The following ARL15 variants were observed in gnomAD, a reference collection of about 807,000 sequenced individuals.
ARL15 encodes ADP-ribosylation factor-like protein 15.
ARL15 carries 19 observed loss-of-function variants against 25.2 expected under a neutral mutation model. The ratio of observed to expected loss-of-function variants is 0.75; its 90% CI spans 0.53 to 1.10. The LOEUF (loss-of-function observed/expected upper bound fraction) is 1.10. Ranked by LOEUF, ARL15 falls within the 50% of genes least tolerant of loss-of-function variation. The pLI is 0.00. For synonymous variants in ARL15, 94 were observed against 86.8 expected (o/e 1.08, Z -0.46); for missense variants, 220 against 246.0 (o/e 0.89, Z 0.71).
intron 4 of ARL15, among the ~76,000 whole-genome samples, chr5:53,989,990 T>C (rs1748431806): frequency 6.6e-6 from 1 of 152,044 alleles, no homozygotes; most frequent in South Asian, 2.1e-4. Context: ...TTCCAGCGCT[T>C]TGGGAGGCTG....
rs567237345 is a variant in ARL15 at position 53,887,394 on chromosome 5, A to G, written c.463-681T>C. ...TCAGTCCTGAATTTTCTAGGATGGAAAAAGCAAGAACTTATAATAGGTATG... is the reference window on the plus strand; with the variant it reads ...TCAGTCCTGAATTTTCTAGGATGGAGAAAGCAAGAACTTATAATAGGTATG... On this transcript the variant is annotated intron_variant, in intron 4 of 4. Coordinates refer to ENST00000504924, the MANE Select transcript of ARL15 (RefSeq NM_019087.3). The G allele has an allele frequency of 2.2e-4, 154 of 700,774 alleles. 1 individual carries two copies. The highest frequency in any genetic ancestry group is 2.2e-3 in the African/African-American group (124 of 57,262). The allele number at this position is 700,774 out of a possible 1,614,324, so 43.4% of individuals were successfully genotyped here.
intron 4 of ARL15, among the ~76,000 whole-genome samples, chr5:53,949,817 A>G (rs1746884578): frequency 6.6e-6 from 1 of 152,216 alleles, no homozygotes; most frequent in African/African-American, 2.4e-5. Flanking sequence ...CAAGTTAGAA[A>G]TACTATAAGT....
chr5:54,116,113 A>T (rs1171949248), intron 3 of ARL15, among the ~76,000 whole-genome samples: 1 of 152,182 alleles, frequency 6.6e-6, no homozygotes, highest in African/African-American at 2.4e-5. Context: ...AAGGCAAGGG[A>T]GCTGAGCTAT....
chr5:54,275,654 C>A (rs1404566376), intron 1 of ARL15, among the ~76,000 whole-genome samples: 2 of 151,522 alleles, frequency 1.3e-5, no homozygotes, highest in Non-Finnish European at 2.9e-5. Flanking sequence ...TGACTACTGG[C>A]TTAAATTTAA....
At chr5:54,113,144 C>A (rs1004083915) in intron 4 of ARL15, 58 bp downstream of exon 4, 2 of 1,551,470 alleles carry the variant, frequency 1.3e-6, no homozygotes, top group Non-Finnish European at 8.8e-7. Flanking sequence ...CAGGTTCCAA[C>A]GTGGCAGCAA....
At chr5:54,249,316 C>T (rs1000199982) in intron 1 of ARL15, among the ~76,000 whole-genome samples, 2 of 152,128 alleles carry the variant, frequency 1.3e-5, no homozygotes, top group African/African-American at 4.8e-5. Context: ...CTATGTACAT[C>T]TCTTTTAGAA....
chr5:53,987,916 T>C (rs930591739), intron 4 of ARL15, among the ~76,000 whole-genome samples: 3 of 152,082 alleles, frequency 2.0e-5, no homozygotes, highest in South Asian at 2.1e-4. Context: ...TCCTGGCTAA[T>C]GCGGTGAAAC....
intron 4 of ARL15, among the ~76,000 whole-genome samples, chr5:54,014,748 A>G (rs1579700462): frequency 1.3e-5 from 2 of 150,504 alleles, no homozygotes; most frequent in African/African-American, 4.9e-5. Flanking sequence ...CTGGTCTCAA[A>G]CTCCTGACCT....
chr5:54,216,589 T>C (rs1756212509), intron 1 of ARL15, among the ~76,000 whole-genome samples: 1 of 152,084 alleles, frequency 6.6e-6, no homozygotes, highest in Non-Finnish European at 1.5e-5. Flanking sequence ...TTTATAGCAG[T>C]TATAATAGTT....
chr5:54,288,870 C>G (rs1758248510), intron 1 of ARL15, among the ~76,000 whole-genome samples: 1 of 152,108 alleles, frequency 6.6e-6, no homozygotes, highest in African/African-American at 2.4e-5. Flanking sequence ...ATATAGGCAC[C>G]AGCTTCTCAT....
At chr5:54,177,699 C>T (rs1754924663) in intron 1 of ARL15, among the ~76,000 whole-genome samples, 1 of 152,180 alleles carries the variant, frequency 6.6e-6, no homozygotes, top group Non-Finnish European at 1.5e-5. Flanking sequence ...TCATTTTCCT[C>T]TATATTTCTA....
At chr5:54,276,155 A>T (rs950873845) in intron 1 of ARL15, among the ~76,000 whole-genome samples, 2 of 152,132 alleles carry the variant, frequency 1.3e-5, no homozygotes, top group Admixed American at 1.3e-4. Flanking sequence ...TTTCCACTCA[A>T]ATCATTAAAA....
intron 3 of ARL15, among the ~76,000 whole-genome samples, chr5:54,131,343 T>C (rs541439727): frequency 6.7e-4 from 102 of 152,290 alleles, no homozygotes; most frequent in African/African-American, 2.4e-3. Flanking sequence ...GTTTTCCCCT[T>C]ACACCCTTCA....
chr5:54,201,568 T>C (rs1755724979), intron 1 of ARL15, among the ~76,000 whole-genome samples: 1 of 152,156 alleles, frequency 6.6e-6, no homozygotes, highest in South Asian at 2.1e-4. Context: ...GCAAGAATCC[T>C]GTTAGGTTGG....
chr5:54,099,083 G>A (rs1752365273), intron 4 of ARL15, among the ~76,000 whole-genome samples: 3 of 152,120 alleles, frequency 2.0e-5, no homozygotes, highest in South Asian at 4.1e-4. Flanking sequence ...GCAGATTTCT[G>A]GATTTTGGTG....
chr5:54,027,798 T>G (rs1302578405), intron 4 of ARL15, among the ~76,000 whole-genome samples: 1 of 152,072 alleles, frequency 6.6e-6, no homozygotes, highest in South Asian at 2.1e-4. Flanking sequence ...GGTCAAACAA[T>G]GAGAACAAAC....
At chr5:54,091,630 A>G (rs1415701201) in intron 4 of ARL15, among the ~76,000 whole-genome samples, 1 of 152,094 alleles carries the variant, frequency 6.6e-6, no homozygotes, top group Non-Finnish European at 1.5e-5. Context: ...TGGGAAGCTA[A>G]CTGTTCCCCA....
intron 4 of ARL15, among the ~76,000 whole-genome samples, chr5:53,891,637 C>T (rs1457022607): frequency 1.3e-5 from 2 of 152,166 alleles, no homozygotes; most frequent in Non-Finnish European, 2.9e-5. Flanking sequence ...AGCTGGATAT[C>T]TGCTTTCCCC....
chr5:54,209,608 T>C (rs1395305098), intron 1 of ARL15, among the ~76,000 whole-genome samples: 1 of 152,136 alleles, frequency 6.6e-6, no homozygotes, highest in African/African-American at 2.4e-5. Context: ...TTAGAAAATG[T>C]ATACCTGTAT....
Sources: allele counts gnomAD v4.1 joint callset (sites outside exome capture counted in the v4.1 genomes callset), GRCh38; gene constraint gnomAD v4.1.1; transcripts MANE v1.5; gene names NCBI Gene and HGNC (gene_info 2026-07-23, HGNC 2026-07-21).